Variants in BIRC3 observed in about 807,000 individuals in gnomAD.
BIRC3 encodes the protein baculoviral IAP repeat containing 3, also known as baculoviral IAP repeat-containing protein 3.
Under a neutral mutation model 59.0 loss-of-function variants are expected in BIRC3, and 26 were observed. That is an observed-to-expected ratio of 0.44 (90% CI 0.32 to 0.61). The LOEUF is 0.61. Among genes scored for constraint, BIRC3 ranks in the 20% least tolerant of loss-of-function variants. The pLI is 0.04. For synonymous variants in BIRC3, 243 were observed against 249.2 expected, an observed-to-expected ratio of 0.98 and a Z score of 0.24; for missense variants, 641 against 711.5, an observed-to-expected ratio of 0.90 and a Z score of 1.13.
At chr11:102,336,329 T>G in intron 7 of BIRC3, 109 bp downstream of exon 7, 1 of 1,259,310 alleles carries the variant, frequency 7.9e-7, no homozygotes, top group Non-Finnish European at 1.1e-6. Flanking sequence ...TGGTGACTCA[T>G]GCCTGTAATC....
At chr11:102,321,574 T>G (rs369643446) in intron 1 of BIRC3, among the ~76,000 whole-genome samples, 12 of 152,236 alleles carry the variant, frequency 7.9e-5, no homozygotes, top group African/African-American at 2.9e-4. Context: ...AGGCTGGTTT[T>G]GAACTCCTGA....
chr11:102,326,982 T>C, intron 3 of BIRC3: 1 of 341,576 alleles, frequency 2.9e-6, no homozygotes, highest in Non-Finnish European at 5.8e-6. Flanking sequence ...CAGTGTGTTT[T>C]AAGAATCTTA....
intron 5 of BIRC3, among the ~76,000 whole-genome samples, chr11:102,329,694 A>T (rs1951119551): frequency 6.6e-6 from 1 of 152,174 alleles, no homozygotes; most frequent in African/African-American, 2.4e-5. Flanking sequence ...AGAACAGAAA[A>T]CCAAACACCG....
At chr11:102,326,578 A>T (rs912063873) in intron 3 of BIRC3, among the ~76,000 whole-genome samples, 19 of 152,234 alleles carry the variant, frequency 1.2e-4, no homozygotes, top group African/African-American at 4.6e-4. Flanking sequence ...AACTTTTGCT[A>T]TTATTCAACC....
chr11:102,321,366 T>G (rs1951028882), intron 1 of BIRC3, among the ~76,000 whole-genome samples: 1 of 152,198 alleles, frequency 6.6e-6, no homozygotes, highest in African/African-American at 2.4e-5. Flanking sequence ...TATTTTATTT[T>G]ATTTTTGAGA....
intron 1 of BIRC3, among the ~76,000 whole-genome samples, chr11:102,318,465 T>C (rs2135779885): frequency 6.6e-6 from 1 of 152,342 alleles, no homozygotes; most frequent in Non-Finnish European, 1.5e-5. Flanking sequence ...ACGGGAAGTC[T>C]TCGTGTCTAC....
Position 102,331,151 on chromosome 11 carries a change from C to T in BIRC3, c.1234C>T (p.Leu412=). 1.2e-6 allele frequency: 2 copies of T among 1,613,672 alleles called. No individual in the cohort carries two copies. The highest frequency in any genetic ancestry group is 1.7e-5 in the Admixed American group (1 of 59,978). Residue 412 remains leucine, a synonymous_variant, in exon 6 of 9, where the codon CTA becomes TTA. Coordinates refer to ENST00000263464, the MANE Select transcript of BIRC3 (RefSeq NM_001165.5). ...KILATGENYR[L]VNDLVLDLLN... is the part of the protein sequence containing the mutation. Reference sequence around the variant, plus strand: ...CCTAGCAACTGGAGAGAATTATAGACTAGTCAATGATCTTGTGTTAGACTT... The same window carrying T: ...CCTAGCAACTGGAGAGAATTATAGATTAGTCAATGATCTTGTGTTAGACTT...
intron 6 of BIRC3, among the ~76,000 whole-genome samples, chr11:102,334,460 AT>A (rs1027253769): frequency 6.6e-6 from 1 of 151,724 alleles, no homozygotes; most frequent in Admixed American, 6.6e-5. Context: ...CATCATCTTT[AT>A]TTTCTGGTTG....
rs372198658 is a variant in BIRC3, at chr11:102,319,355, T to C, written c.-2674+1784T>C. ...GCCACCACACCCGGCCGAAAGAGAA[T>C]TTTAAAAATTTCTTTCATTTGAAAG... is the stretch of plus-strand genomic sequence containing the variant. On this transcript the variant is annotated intron_variant, in intron 1 of 8. Coordinates refer to ENST00000263464, the MANE Select transcript of BIRC3 (RefSeq NM_001165.5). 4.6e-5 allele frequency among the ~76,000 whole-genome samples: 7 copies of C among 152,138 alleles called. No individual in the cohort carries two copies. The South Asian group carries it at 1.5e-3, about 32-fold the overall frequency.
chr11:102,334,605 A>T (rs1951177872), intron 6 of BIRC3, among the ~76,000 whole-genome samples: 2 of 152,236 alleles, frequency 1.3e-5, no homozygotes, highest in South Asian at 4.1e-4. Context: ...ACAATTCTTC[A>T]GATAGCTCAG....
chr11:102,324,632 T>C lies in BIRC3; in HGVS notation c.123T>C (p.Ala41=). 1 of 1,614,198 alleles carries C rather than the reference T, an allele frequency of 6.2e-7. No homozygotes were observed. The highest frequency in any genetic ancestry group is 1.1e-5 in the South Asian group (1 of 91,090). The change falls in exon 2 of 9, where the codon GCT becomes GCC. Residue 41 remains alanine, a synonymous_variant. Transcript: ENST00000263464. The part of the protein sequence containing the change: ...YRMSTYSTFP[A]GVPVSERSLA... ...TGTCTACGTATTCCACTTTTCCTGCTGGGGTTCCTGTCTCAGAAAGGAGTC... is the reference window on the plus strand; with the variant it reads ...TGTCTACGTATTCCACTTTTCCTGCCGGGGTTCCTGTCTCAGAAAGGAGTC...
In BIRC3 at chr11:102,331,324, T is replaced by C. The variant is rs1951137102; in HGVS notation, c.1324+83T>C. The C allele has an allele frequency of 6.1e-6, 8 of 1,318,634 alleles. No individual in the cohort carries two copies. In the South Asian group the frequency reaches 1.5e-4, roughly 26 times the overall value. The allele number at this position is 1,318,634 out of a possible 1,614,324, so 81.7% of individuals were successfully genotyped here. Reference sequence around the variant, plus strand: ...TTATGAAAAATATACTCATCTAGCATATCTGAAAATATACTCAATCCAGTC... The same window carrying C: ...TTATGAAAAATATACTCATCTAGCACATCTGAAAATATACTCAATCCAGTC... On this transcript the variant is annotated intron_variant, in intron 6 of 8. Transcript: ENST00000263464.
At chr11:102,318,103 T>C (rs1034580806) in intron 1 of BIRC3, among the ~76,000 whole-genome samples, 9 of 152,222 alleles carry the variant, frequency 5.9e-5, no homozygotes, top group Non-Finnish European at 1.3e-4. Flanking sequence ...GTAACAATAA[T>C]ATTAAATATT....
intron 1 of BIRC3, among the ~76,000 whole-genome samples, chr11:102,321,541 GA>G (rs1951030912): frequency 6.6e-6 from 1 of 152,110 alleles, no homozygotes; most frequent in Non-Finnish European, 1.5e-5. Context: ...TTTTAGTAGA[GA>G]TGGGGTTTCA....
chr11:102,327,272 C>G (rs1310909204), intron 3 of BIRC3, among the ~76,000 whole-genome samples: 1 of 152,132 alleles, frequency 6.6e-6, no homozygotes, highest in Non-Finnish European at 1.5e-5. Flanking sequence ...TGTTTATACT[C>G]ACTTGAAATA....
At chr11:102,325,660 C>A in intron 3 of BIRC3, 95 bp downstream of exon 3, 2 of 1,170,976 alleles carry the variant, frequency 1.7e-6, no homozygotes, top group Non-Finnish European at 2.4e-6. Context: ...TTACTCTGTT[C>A]CAAATATATA....
chr11:102,333,694 T>C (rs879831494), intron 6 of BIRC3, among the ~76,000 whole-genome samples: 1 of 152,090 alleles, frequency 6.6e-6, no homozygotes, highest in African/African-American at 2.4e-5. Flanking sequence ...TGCAGTGAGC[T>C]GAGATCGCAC....
In BIRC3 at chr11:102,322,121, G is replaced by A. The variant is rs893600561; in HGVS notation, c.-2389G>A. 3 of 203,328 alleles carry A rather than the reference G, an allele frequency of 1.5e-5. No homozygotes were observed. The highest frequency in any genetic ancestry group is 1.6e-3 in the Middle Eastern group (1 of 608). 12.6% of individuals were successfully genotyped at this position (203,328 alleles called of 1,614,324 possible). On this transcript the variant is annotated 5_prime_UTR_variant, in exon 2 of 9. Coordinates refer to ENST00000263464, the MANE Select transcript of BIRC3 (RefSeq NM_001165.5). Reference sequence around the variant, plus strand: ...AAAGTGATTCTAGCTGGGGCATATTGTTAAAGCATTTTTTTCAGAGTTGGC... The same window carrying A: ...AAAGTGATTCTAGCTGGGGCATATTATTAAAGCATTTTTTTCAGAGTTGGC...
chr11:102,332,916 A>G (rs567789721), intron 6 of BIRC3, among the ~76,000 whole-genome samples: 1 of 152,322 alleles, frequency 6.6e-6, no homozygotes, highest in East Asian at 1.9e-4. Context: ...TCATCAGCCA[A>G]CAATTGCTCA....
Sources: allele counts gnomAD v4.1 joint callset (sites outside exome capture counted in the v4.1 genomes callset), GRCh38; gene constraint gnomAD v4.1.1; transcripts MANE v1.5; gene names NCBI Gene and HGNC (gene_info 2026-07-23, HGNC 2026-07-21).